Variants in SPIN2A observed in about 807,000 individuals in gnomAD.
The protein encoded by SPIN2A is spindlin-2A.
In SPIN2A, 4 loss-of-function variants were observed where a neutral mutation model predicts 9.2. That is an observed-to-expected ratio of 0.44 (90% CI 0.21 to 1.00). The LOEUF is 1.00. Ranked by LOEUF, SPIN2A falls within the 50% of genes least tolerant of loss-of-function variation. SPIN2A has a pLI of 0.26. For missense variants in SPIN2A, 77 were observed against 172.8 expected (o/e 0.45, Z 3.11); for synonymous variants, 25 against 61.2 (o/e 0.41, Z 2.76).
chrX:57,141,167 AT>A (rs1429555471), upstream of SPIN2A, among the ~76,000 whole-genome samples: 2 of 110,549 alleles, frequency 1.8e-5, no homozygotes, highest in Admixed American at 9.6e-5. Flanking sequence ...ATTTCATTGA[AT>A]TTTTTTTGGC....
At chrX:57,144,923 T>TAC in the SPIN2A span, among the ~76,000 whole-genome samples, 1,284 of 105,320 alleles carry the variant, frequency 0.012, 10 homozygotes, top group African/African-American at 0.027. Context: ...TGTGTGTGCA[T>TAC]ACACACACAC....
At position 57,136,317 on chromosome X, in the gene SPIN2A, T is replaced by TAGAC; in HGVS notation, c.277_280dup (p.Tyr94CysfsTer10). 1 of 1,149,741 alleles carries TAGAC rather than the reference T, an allele frequency of 8.7e-7. No homozygotes were observed. The highest frequency in any genetic ancestry group is 2.2e-5 in the African/African-American group (1 of 44,496). The allele number at this position is 1,149,741 out of a possible 1,213,427, so 94.8% of individuals were successfully genotyped here. A position where few individuals can be genotyped will look rare whatever the true frequency, so the allele number is the denominator to read the frequency against. On this transcript the variant is annotated frameshift_variant, in exon 2 of 2. Coordinates refer to ENST00000374906, the MANE Select transcript of SPIN2A (RefSeq NM_019003.5). LOFTEE classifies it high-confidence loss of function. ...TTCATCTCTGTGAAGTTCCAGTCCATAGACACAGTCAATTCCATCATATTT... is the reference window on the plus strand; with the variant it reads ...TTCATCTCTGTGAAGTTCCAGTCCATAGACAGACACAGTCAATTCCATCATATTT...
At chrX:57,140,015 G>GTGTTGTCT (rs1927955757), upstream of SPIN2A, among the ~76,000 whole-genome samples, 1 of 111,473 alleles carries the variant, frequency 9.0e-6, no homozygotes, top group Non-Finnish European at 1.9e-5. Context: ...TTCTATTTTT[G>GTGTTGTCT]TGTTGTCTTT....
At chrX:57,144,564 T>C in the SPIN2A span, among the ~76,000 whole-genome samples, 1 of 109,393 alleles carries the variant, frequency 9.1e-6, no homozygotes, top group Middle Eastern at 4.7e-3. Context: ...AGGTGGTATT[T>C]GGTTACATGA....
At chrX:57,143,023 A>G in the SPIN2A span, among the ~76,000 whole-genome samples, 1 of 111,312 alleles carries the variant, frequency 9.0e-6, no homozygotes, top group African/African-American at 3.3e-5. Flanking sequence ...AGTTTCTTGT[A>G]CACAGAATCT....
At chrX:57,144,698 A>G in the SPIN2A span, among the ~76,000 whole-genome samples, 1 of 109,830 alleles carries the variant, frequency 9.1e-6, no homozygotes, top group Non-Finnish European at 1.9e-5. Context: ...AGTGTTCCCA[A>G]AGTCCGTTGT....
the SPIN2A span, among the ~76,000 whole-genome samples, chrX:57,144,920 G>T: frequency 8.9e-5 from 7 of 78,345 alleles, no homozygotes; most frequent in Admixed American, 5.6e-4. Flanking sequence ...GTATGTGTGT[G>T]CATACACACA....
At chrX:57,142,165 A>C (rs1179588104), upstream of SPIN2A, among the ~76,000 whole-genome samples, 2 of 111,059 alleles carry the variant, frequency 1.8e-5, no homozygotes, top group African/African-American at 6.5e-5. Flanking sequence ...ATTTGTTCTT[A>C]ATTTTCTACT....
chrX:57,137,020 C>T, intron 1 of SPIN2A: 1 of 841,190 alleles, frequency 1.2e-6, no homozygotes, highest in Non-Finnish European at 1.5e-6. Context: ...TTCCCTGTTA[C>T]CTACCTCCCT....
chrX:57,138,638 G>A (rs1314882543), upstream of SPIN2A, among the ~76,000 whole-genome samples: 10 of 111,041 alleles, frequency 9.0e-5, no homozygotes, highest in East Asian at 5.6e-4. Context: ...GAACTACCAC[G>A]CTGTTTTTCA....
In SPIN2A at chrX:57,137,257, T is replaced by C. The variant is rs773469718; in HGVS notation, c.-6+3A>G. The C allele has an allele frequency of 9.1e-4, 693 of 760,127 alleles. 1 individual carries two copies. Among genetic ancestry groups the C allele is most frequent in the African/African-American group, 2.9e-3 (127 of 43,573 alleles). The allele number at this position is 760,127 out of a possible 1,213,427, so 62.6% of individuals were successfully genotyped here. A position where few individuals can be genotyped will look rare whatever the true frequency, so the allele number is the denominator to read the frequency against. On this transcript the variant is annotated splice_donor_region_variant and intron_variant, in intron 1 of 1. Coordinates refer to ENST00000374906, the MANE Select transcript of SPIN2A (RefSeq NM_019003.5). ...GCGGGCCTCACGTGCCGAAATCGGA[T>C]ACCTCGATGCTGCCTCTGCTGTGAG...
At chrX:57,143,401 T>A in the SPIN2A span, among the ~76,000 whole-genome samples, 1 of 111,007 alleles carries the variant, frequency 9.0e-6, no homozygotes, top group Non-Finnish European at 1.9e-5. Context: ...TGCTACACTT[T>A]AACTCCATCC....
chrX:57,138,140 G>T (rs1420728199), upstream of SPIN2A, among the ~76,000 whole-genome samples: 4 of 112,075 alleles, frequency 3.6e-5, no homozygotes, highest in Non-Finnish European at 5.6e-5. Flanking sequence ...AGTTATTTTT[G>T]AATGTGATTA....
upstream of SPIN2A, among the ~76,000 whole-genome samples, chrX:57,138,332 G>C (rs1927897573): frequency 9.0e-6 from 1 of 111,030 alleles, no homozygotes; most frequent in African/African-American, 3.3e-5. Flanking sequence ...AACCAAATGG[G>C]TGTACAATAA....
upstream of SPIN2A, among the ~76,000 whole-genome samples, chrX:57,138,178 G>T (rs1164566345): frequency 9.0e-6 from 1 of 111,540 alleles, no homozygotes; most frequent in East Asian, 2.8e-4. Flanking sequence ...TATCTATTTC[G>T]CATAAAGTGA....
the SPIN2A span, among the ~76,000 whole-genome samples, chrX:57,144,397 A>G: frequency 9.3e-6 from 1 of 108,094 alleles, no homozygotes; most frequent in Non-Finnish European, 1.9e-5. Context: ...ATTTGAATAA[A>G]CATTCTACCC....
upstream of SPIN2A, among the ~76,000 whole-genome samples, chrX:57,140,855 A>G (rs1927983629): frequency 9.0e-6 from 1 of 111,639 alleles, no homozygotes; most frequent in Admixed American, 9.5e-5. Context: ...GGAATGATTG[A>G]AAAACTGCCT....
rs1470394038 is a variant in SPIN2A, at chrX:57,137,353, A to G, written c.-99T>C. Reference sequence around the variant, plus strand: ...TGCAAGAGCGGGGAGGGTAGGATCCATAGATGAGGAGCGTGTGTAGGAGCG... The same window carrying G: ...TGCAAGAGCGGGGAGGGTAGGATCCGTAGATGAGGAGCGTGTGTAGGAGCG... On this transcript the variant is annotated 5_prime_UTR_variant, in exon 1 of 2. It removes an upstream start codon present in the reference 5' UTR. Transcript: ENST00000374906. 69 of 756,256 alleles carry G rather than the reference A, an allele frequency of 9.1e-5. No homozygotes were observed. The highest frequency in any genetic ancestry group is 7.4e-4 in the Middle Eastern group (1 of 1,346). 62.3% of individuals were successfully genotyped at this position (756,256 alleles called of 1,213,427 possible). A position where few individuals can be genotyped will look rare whatever the true frequency, so the allele number is the denominator to read the frequency against.
rs147614968 is a variant in SPIN2A, at chrX:57,135,892, G to A, written c.706C>T (p.Pro236Ser). 7 of 1,209,734 alleles carry A rather than the reference G, an allele frequency of 5.8e-6. No homozygotes were observed. In the Admixed American group the frequency reaches 1.5e-4, roughly 26 times the overall value. ...TCAAACTTGATGAAATACACAGAGGGTTTGGTTTCCACTTGGTGAATGACC... is the reference window on the plus strand; with the variant it reads ...TCAAACTTGATGAAATACACAGAGGATTTGGTTTCCACTTGGTGAATGACC... ...GMVIHQVETK[P>S]SVYFIKFDDD... Residue 236 changes from proline to serine, a missense_variant, in exon 2 of 2, where the codon CCC (proline) becomes TCC (serine). Pro to Ser is a moderately conservative substitution (Grantham distance 74, BLOSUM62 -1). This residue lies in a region of SPIN2A where 36 missense variants were observed against 47.6 expected (regional missense o/e 0.76). Transcript: ENST00000374906.
Sources: allele counts gnomAD v4.1 joint callset (sites outside exome capture counted in the v4.1 genomes callset), GRCh38; gene constraint gnomAD v4.1.1; regional missense constraint gnomAD v4.1.1; transcripts MANE v1.5; gene names NCBI Gene and HGNC (gene_info 2026-07-23, HGNC 2026-07-21).